QPCT: variants seen among roughly 807,000 people sequenced by gnomAD.
QPCT encodes glutaminyl-peptide cyclotransferase.
QPCT carries 44 observed loss-of-function variants against 43.4 expected under a neutral mutation model. The ratio of observed to expected loss-of-function variants is 1.01; its 90% CI spans 0.80 to 1.30. The LOEUF (loss-of-function observed/expected upper bound fraction) is 1.30. Ranked by LOEUF, QPCT falls within the 50% of genes most tolerant of loss-of-function variation. The pLI is 0.00. For synonymous variants in QPCT, 168 were observed against 168.4 expected (o/e 1.00, Z 0.02); for missense variants, 526 against 436.5 (o/e 1.21, Z -1.83).
At chr2:37,346,932 G>A (rs1013770365) in intron 1 of QPCT, among the ~76,000 whole-genome samples, 5 of 151,402 alleles carry the variant, frequency 3.3e-5, no homozygotes, top group African/African-American at 9.7e-5. Flanking sequence ...CATTTCCTTC[G>A]TTTTGAAATA....
chr2:37,350,825 A>G (rs1672604894), intron 1 of QPCT, among the ~76,000 whole-genome samples: 1 of 152,318 alleles, frequency 6.6e-6, no homozygotes, highest in Non-Finnish European at 1.5e-5. Flanking sequence ...CACATTGAAT[A>G]TTTACTATGG....
chr2:37,352,745 G>A, intron 1 of QPCT, 44 bp from the exon 2 acceptor site: 1 of 1,601,102 alleles, frequency 6.2e-7, no homozygotes, highest in Non-Finnish European at 8.6e-7. Flanking sequence ...TCTTAAACAT[G>A]TTATGAAAGG....
chr2:37,359,737 A>G lies in QPCT; in HGVS notation c.425A>G (p.Asp142Gly). 6.2e-7 allele frequency: 1 copy of G among 1,613,974 alleles called. No homozygotes were observed. The highest frequency in any genetic ancestry group is 8.5e-7 in the Non-Finnish European group (1 of 1,179,982). ...CATTTGGTCCTCGCCTGCCACTATGACTCCAAGTATTTTTCCCACTGGAAC... is the reference window on the plus strand; with the variant it reads ...CATTTGGTCCTCGCCTGCCACTATGGCTCCAAGTATTTTTCCCACTGGAAC... ...KRHLVLACHY[D>G]SKYFSHWNNR... Residue 142 changes from aspartate (D) to glycine (G), a missense_variant, in exon 3 of 7, where the codon GAC becomes GGC. Physicochemically the swap from Asp to Gly is moderately conservative, Grantham distance 94. Transcript: ENST00000338415.
intron 2 of QPCT, 149 bp downstream of exon 2, chr2:37,353,084 C>T: frequency 1.1e-6 from 1 of 913,640 alleles, no homozygotes; most frequent in Non-Finnish European, 1.6e-6. Flanking sequence ...AATCAAATGA[C>T]TGAGAGTACA....
intron 2 of QPCT, among the ~76,000 whole-genome samples, chr2:37,355,771 T>A (rs944573722): frequency 2.0e-5 from 3 of 152,056 alleles, no homozygotes; most frequent in Admixed American, 6.6e-5. Context: ...AATAAAAAAA[T>A]TAAAAAATTA....
At chr2:37,349,658 G>A (rs1261058513) in intron 1 of QPCT, among the ~76,000 whole-genome samples, 2 of 152,156 alleles carry the variant, frequency 1.3e-5, no homozygotes, top group East Asian at 3.9e-4. Context: ...GTGACTGCTT[G>A]GGTCAACCCA....
chr2:37,344,751 G>C lies in QPCT; in HGVS notation c.20G>C (p.Arg7Pro). 6.2e-7 allele frequency: 1 copy of C among 1,605,792 alleles called. No individual in the cohort carries two copies. Among genetic ancestry groups the C allele is most frequent in the Non-Finnish European group, 8.5e-7 (1 of 1,177,464 alleles). ...GGAGAGATGGCAGGCGGAAGACACCGGCGCGTCGTGGGCACCCTCCACCTG... is the reference window on the plus strand; with the variant it reads ...GGAGAGATGGCAGGCGGAAGACACCCGCGCGTCGTGGGCACCCTCCACCTG... MAGGRH[R>P]RVVGTLHLLL... is the part of the protein sequence containing the mutation. Residue 7 changes from arginine (R) to proline (P), a missense_variant, in exon 1 of 7, where the codon CGG (arginine) becomes CCG (proline). By Grantham distance (103) the Arg-to-Pro change is moderately radical (BLOSUM62 -2). Coordinates refer to ENST00000338415, the MANE Select transcript of QPCT (RefSeq NM_012413.4).
intron 4 of QPCT, 61 bp from the exon 5 acceptor site, chr2:37,369,624 T>C (rs1045384184): frequency 8.1e-7 from 1 of 1,240,344 alleles, no homozygotes; most frequent in Non-Finnish European, 1.2e-6. Flanking sequence ...TGTATTTCCC[T>C]GTTGATGAAT....
At chr2:37,371,098 T>C (rs888230816) in intron 5 of QPCT, among the ~76,000 whole-genome samples, 1 of 152,200 alleles carries the variant, frequency 6.6e-6, no homozygotes, top group African/African-American at 2.4e-5. Context: ...TGCATGTCAT[T>C]GACAAATTTC....
intron 3 of QPCT, among the ~76,000 whole-genome samples, chr2:37,363,124 G>A (rs1672884875): frequency 2.6e-5 from 4 of 152,152 alleles, no homozygotes; most frequent in Non-Finnish European, 5.9e-5. Context: ...GGAAACTGGA[G>A]GATTCTTCTT....
Position 37,352,931 on chromosome 2 carries a change from G to C in QPCT, c.263G>C (p.Arg88Pro), listed in dbSNP as rs138792210. The change falls in exon 2 of 7, where the codon CGT becomes CCT. Residue 88 changes from arginine to proline, a missense_variant. Transcript: ENST00000338415. ...GGATCCCCTGGAAGCTATGCTGCTC[G>C]TCAGGTGAGAACATGGGACACAAAC... is the stretch of plus-strand genomic sequence containing the variant. The part of the protein sequence containing the change: ...YPGSPGSYAA[R>P]QHIMQRIQRL... The C allele has an allele frequency of 1.3e-5, 21 of 1,612,914 alleles. No homozygotes were observed. Among genetic ancestry groups the C allele is most frequent in the Non-Finnish European group, 1.8e-5 (21 of 1,179,258 alleles).
intron 1 of QPCT, among the ~76,000 whole-genome samples, chr2:37,345,188 A>G (rs552668557): frequency 8.5e-5 from 13 of 152,130 alleles, no homozygotes; most frequent in African/African-American, 3.1e-4. Flanking sequence ...TCGCGGCGCC[A>G]CCCCCCACTC....
chr2:37,368,200 G>C, intron 4 of QPCT: 1 of 162,004 alleles, frequency 6.2e-6, no homozygotes, highest in Non-Finnish European at 1.3e-5. Context: ...TTTGACATGG[G>C]GGTGGGGATA....
chr2:37,366,453 A>G (rs1672963218), intron 3 of QPCT, among the ~76,000 whole-genome samples: 1 of 152,214 alleles, frequency 6.6e-6, no homozygotes, highest in South Asian at 2.1e-4. Context: ...ACTAAAGTAT[A>G]GGCTATTTCA....
At position 37,359,864 on chromosome 2, in the gene QPCT, T is replaced by A. The variant is rs771179889; in HGVS notation, c.546+6T>A. 1 of 1,611,988 alleles carries A rather than the reference T, an allele frequency of 6.2e-7. No homozygotes were observed. Among genetic ancestry groups the A allele is most frequent in the Non-Finnish European group, 8.5e-7 (1 of 1,178,200 alleles). On this transcript the variant is annotated splice_donor_region_variant and intron_variant, in intron 3 of 6. Transcript: ENST00000338415. The stretch of plus-strand genomic sequence containing the variant: ...AGAAACTCCTTTCCTTAAAGGTATC[T>A]GTTTTCTGCTTATTGATTCCTAGGA...
intron 4 of QPCT, among the ~76,000 whole-genome samples, chr2:37,369,421 A>T (rs1314583860): frequency 6.6e-6 from 1 of 152,202 alleles, no homozygotes; most frequent in Non-Finnish European, 1.5e-5. Flanking sequence ...CTTCTTCCTA[A>T]TTTATCCTTA....
chr2:37,362,939 A>G (rs1672880770), intron 3 of QPCT, among the ~76,000 whole-genome samples: 1 of 142,646 alleles, frequency 7.0e-6, no homozygotes, highest in South Asian at 2.1e-4. Flanking sequence ...AGATGAGAAA[A>G]TATTTTTCTG....
chr2:37,353,015 T>A, intron 2 of QPCT, 80 bp downstream of exon 2: 3 of 1,484,700 alleles, frequency 2.0e-6, no homozygotes, highest in Non-Finnish European at 2.7e-6. Flanking sequence ...GCTGAAGTTC[T>A]GAGGTGTCTA....
At chr2:37,357,187 A>G (rs1672769159) in intron 2 of QPCT, among the ~76,000 whole-genome samples, 2 of 152,068 alleles carry the variant, frequency 1.3e-5, no homozygotes, top group Non-Finnish European at 1.5e-5. Flanking sequence ...TAAAATTCCA[A>G]TTCATTTTGT....
Sources: gnomAD v4.1 joint callset for allele counts (sites outside exome capture counted in the v4.1 genomes callset) on GRCh38, gnomAD v4.1.1 for gene constraint, MANE v1.5 for transcripts, NCBI Gene and HGNC (gene_info 2026-07-23, HGNC 2026-07-21) for gene names.